The following GRM1 variants were observed in gnomAD, a reference collection of about 807,000 sequenced individuals.
The protein encoded by GRM1 is glutamate metabotropic receptor 1.
Under a neutral mutation model 90.9 loss-of-function variants are expected in GRM1, and 33 were observed. The observed-to-expected ratio is 0.36, with a 90% CI of 0.28 to 0.49. The LOEUF is 0.49. GRM1 is among the 20% of genes least tolerant of loss of function. The probability of loss-of-function intolerance (pLI) is 0.99; values close to 1 mark genes in which losing one functional copy is unlikely to be tolerated. For synonymous variants in GRM1, 700 were observed against 613.2 expected, an observed-to-expected ratio of 1.14 and a Z score of -2.09; for missense variants, 1,190 against 1,534.3, an observed-to-expected ratio of 0.78 and a Z score of 3.75.
rs569835389 is a variant in GRM1, at chr6:146,124,923, T to C, written c.701-34425T>C. Among the ~76,000 whole-genome samples, 286 of 152,264 alleles carry C rather than the reference T, an allele frequency of 1.9e-3. 2 individuals are homozygous for C. Among genetic ancestry groups the C allele is most frequent in the African/African-American group, 6.4e-3 (265 of 41,568 alleles). ...AATATGAAAATTTTTAAAATTCCAG[T>C]TCCTCATTTAAACTAGAGAAAACTG... On this transcript the variant is annotated intron_variant, in intron 1 of 7. Coordinates refer to ENST00000282753, the MANE Select transcript of GRM1 (RefSeq NM_001278064.2).
At chr6:146,184,726 T>C (rs1043946162) in intron 2 of GRM1, among the ~76,000 whole-genome samples, 2 of 152,220 alleles carry the variant, frequency 1.3e-5, no homozygotes, top group Non-Finnish European at 2.9e-5. Flanking sequence ...TTTCATGTTA[T>C]ATATCATCTC....
intron 2 of GRM1, among the ~76,000 whole-genome samples, chr6:146,201,991 A>T (rs1429884406): frequency 1.3e-5 from 2 of 152,228 alleles, no homozygotes; most frequent in South Asian, 4.1e-4. Flanking sequence ...ATGACTTAGC[A>T]GGTTATTGTT....
intron 1 of GRM1, among the ~76,000 whole-genome samples, chr6:146,144,982 G>A (rs989345310): frequency 6.6e-6 from 1 of 152,242 alleles, no homozygotes; most frequent in African/African-American, 2.4e-5. Flanking sequence ...TGGTAGAACT[G>A]TGTTCATGCC....
intron 2 of GRM1, among the ~76,000 whole-genome samples, chr6:146,214,056 A>G (rs1345628772): frequency 2.0e-5 from 3 of 151,932 alleles, no homozygotes; most frequent in African/African-American, 7.3e-5. Flanking sequence ...CCTTTTTTCT[A>G]ATTTTTTTGC....
intron 2 of GRM1, among the ~76,000 whole-genome samples, chr6:146,231,193 G>A (rs1780440228): frequency 6.6e-6 from 1 of 152,084 alleles, no homozygotes; most frequent in Non-Finnish European, 1.5e-5. Context: ...ATCCTCATCA[G>A]CTGTGACACA....
chr6:146,091,549 A>T (rs193097752), intron 1 of GRM1, among the ~76,000 whole-genome samples: 2 of 152,192 alleles, frequency 1.3e-5, no homozygotes, highest in African/African-American at 4.8e-5. Context: ...GAGAGCCATA[A>T]AATTGCCCAG....
intron 2 of GRM1, among the ~76,000 whole-genome samples, chr6:146,258,745 G>A (rs975062553): frequency 6.6e-6 from 1 of 152,036 alleles, no homozygotes; most frequent in African/African-American, 2.4e-5. Flanking sequence ...GTGTTAAAAT[G>A]TTTCACCAAA....
At position 146,159,607 on chromosome 6, in the gene GRM1, T is replaced by TCTCC. The variant is rs753457438; in HGVS notation, c.950+13_950+14insCCTC. 3 of 253,022 alleles carry TCTCC rather than the reference T, an allele frequency of 1.2e-5. No homozygotes were observed. In the South Asian group the frequency reaches 2.2e-4, roughly 18 times the overall value. The allele number at this position is 253,022 out of a possible 1,614,324, so 15.7% of individuals were successfully genotyped here. On this transcript the variant is annotated intron_variant, in intron 2 of 7. Coordinates refer to ENST00000282753, the MANE Select transcript of GRM1 (RefSeq NM_001278064.2). ...TCTCACTCATTGGAAGGTAAGTTTC[T>TCTCC]CTCTCTCTCTCTCTCTCTCTCTCTC...
chr6:146,045,809 C>T (rs936064769), intron 1 of GRM1, among the ~76,000 whole-genome samples: 1 of 146,242 alleles, frequency 6.8e-6, no homozygotes, highest in Non-Finnish European at 1.5e-5. Context: ...TGGGTAGACT[C>T]TACTTATTAT....
intron 3 of GRM1, 89 bp from the exon 4 acceptor site, chr6:146,352,161 G>A (rs1785433067): frequency 1.5e-6 from 2 of 1,374,064 alleles, no homozygotes; most frequent in Admixed American, 1.7e-5. Flanking sequence ...CCCTTCCTCT[G>A]AGAACCCCCA....
intron 1 of GRM1, among the ~76,000 whole-genome samples, chr6:146,084,620 G>C (rs752291043): frequency 1.3e-4 from 20 of 152,186 alleles, no homozygotes; most frequent in Admixed American, 3.9e-4. Context: ...TGTGATTTCA[G>C]TTCTTTTGCA....
intron 5 of GRM1, among the ~76,000 whole-genome samples, chr6:146,360,901 G>A (rs1228229819): frequency 6.6e-6 from 1 of 152,340 alleles, no homozygotes; most frequent in Non-Finnish European, 1.5e-5. Flanking sequence ...ACATGTTATT[G>A]AGCAGGAGAT....
At chr6:146,258,588 T>C (rs1052257598) in intron 2 of GRM1, among the ~76,000 whole-genome samples, 2 of 152,074 alleles carry the variant, frequency 1.3e-5, no homozygotes, top group African/African-American at 2.4e-5. Context: ...GGCATGATCA[T>C]AGCTCACTGC....
At position 146,434,175 on chromosome 6, in the gene GRM1, T is replaced by G; in HGVS notation, c.2964T>G (p.Thr988=). ...GGCGCGTGCCAAGCGCGGCGACCACTCCGCCTCTGCCGTCCCACCTGACCG... is the reference window on the plus strand; with the variant it reads ...GGCGCGTGCCAAGCGCGGCGACCACGCCGCCTCTGCCGTCCCACCTGACCG... ...VHRRVPSAAT[T]PPLPSHLTAE... is the part of the protein sequence containing the mutation. Residue 988 remains threonine (T), a synonymous_variant, in exon 8 of 8, where the codon ACT becomes ACG. Transcript: ENST00000282753. The G allele has an allele frequency of 5.0e-6, 8 of 1,613,294 alleles. No individual in the cohort carries two copies. The highest frequency in any genetic ancestry group is 6.8e-6 in the Non-Finnish European group (8 of 1,179,484).
chr6:146,205,735 A>G (rs1779472162), intron 2 of GRM1, among the ~76,000 whole-genome samples: 3 of 152,158 alleles, frequency 2.0e-5, no homozygotes, highest in African/African-American at 7.2e-5. Context: ...TCTACTTTCA[A>G]TCCTGTTCTG....
intron 2 of GRM1, among the ~76,000 whole-genome samples, chr6:146,205,625 G>A (rs959083874): frequency 6.6e-6 from 1 of 152,144 alleles, no homozygotes; most frequent in Non-Finnish European, 1.5e-5. Flanking sequence ...GTCTAAGGAG[G>A]TAAGTGAAAT....
At chr6:146,300,841 T>C (rs980909574) in intron 2 of GRM1, among the ~76,000 whole-genome samples, 3 of 152,118 alleles carry the variant, frequency 2.0e-5, no homozygotes, top group African/African-American at 7.2e-5. Flanking sequence ...CTAAGAAAGA[T>C]CCTCTACCAG....
In GRM1 at chr6:146,107,022, T is replaced by G. The variant is rs1024714416; in HGVS notation, c.701-52326T>G. ...ATTTGACAATAGGATTATAAGTGCT[T>G]TCTCCTTTGGCCTCAGTGGCCCTTT... On this transcript the variant is annotated intron_variant, in intron 1 of 7. Coordinates refer to ENST00000282753, the MANE Select transcript of GRM1 (RefSeq NM_001278064.2). Among the ~76,000 whole-genome samples, 8 of 152,200 alleles carry G rather than the reference T, an allele frequency of 5.3e-5. No homozygotes were observed. In the South Asian group the frequency reaches 1.2e-3, roughly 24 times the overall value.
At chr6:146,427,508 A>G (rs1778253474) in intron 7 of GRM1, among the ~76,000 whole-genome samples, 1 of 152,132 alleles carries the variant, frequency 6.6e-6, no homozygotes. Context: ...GAAGAGCCCA[A>G]TTTGTTCAAA....
Sources: gnomAD v4.1 joint callset for allele counts (sites outside exome capture counted in the v4.1 genomes callset) on GRCh38, gnomAD v4.1.1 for gene constraint, MANE v1.5 for transcripts, NCBI Gene and HGNC (gene_info 2026-07-23, HGNC 2026-07-21) for gene names.